FBRS: variants seen among roughly 807,000 people sequenced by gnomAD.
FBRS encodes fibrosin.
FBRS carries 15 observed loss-of-function variants against 86.1 expected under a neutral mutation model. That is an observed-to-expected ratio of 0.17 (90% CI 0.12 to 0.27). The LOEUF (loss-of-function observed/expected upper bound fraction) is 0.27. Ranked by LOEUF, FBRS falls within the 10% of genes least tolerant of loss-of-function variation. FBRS has a pLI of 1.00. For synonymous variants in FBRS, 666 were observed against 575.8 expected (o/e 1.16, Z -2.24); for missense variants, 1,367 against 1,301.6 (o/e 1.05, Z -0.77).
chr16:30,667,985 C>T (rs1001615145), intron 15 of FBRS: 16 of 265,240 alleles, frequency 6.0e-5, no homozygotes, highest in Admixed American at 1.0e-4. Context: ...TTTGGGTGGA[C>T]AAGGAAGAGT....
chr16:30,668,665 T>TGGTGGG, intron 16 of FBRS, 22 bp downstream of exon 16: 1 of 1,456,698 alleles, frequency 6.9e-7, no homozygotes, highest in South Asian at 1.1e-5. Context: ...TGCGGTGGGG[T>TGGTGGG]GGGGGGGCTG....
intron 6 of FBRS, 23 bp from the exon 7 acceptor site, chr16:30,664,192 C>T: frequency 7.6e-7 from 1 of 1,322,888 alleles, no homozygotes; most frequent in Non-Finnish European, 9.8e-7. Flanking sequence ...ACCCCTCACT[C>T]ATCTCCCCAC....
rs756248822 is a variant in FBRS at position 30,669,435 on chromosome 16, C to T, written c.2733C>T (p.Ala911=). ...AGCTAACTGGACCCGGGGCCGTGGC[C>T]GCTGCCCGCCTCTACGGTCTGGAAC... ...GEELTGPGAV[A]AARLYGLEPA... is the part of the protein sequence containing the mutation. Residue 911 remains alanine (A), a synonymous_variant, in exon 18 of 18, where the codon GCC becomes GCT. Transcript: ENST00000356166. The surrounding 1 kb of genome is among the most constrained non-coding windows in gnomAD (Gnocchi z 5.9). The T allele has an allele frequency of 5.0e-6, 8 of 1,612,722 alleles. No homozygotes were observed. Among genetic ancestry groups the T allele is most frequent in the African/African-American group, 2.7e-5 (2 of 74,930 alleles).
chr16:30,665,093 T>C lies in FBRS; in HGVS notation c.1608+14T>C. On this transcript the variant is annotated intron_variant, in intron 9 of 17. Coordinates refer to ENST00000356166, the MANE Select transcript of FBRS (RefSeq NM_001105079.3). The surrounding 1 kb of genome is among the most constrained non-coding windows in gnomAD (Gnocchi z 4.1). Reference sequence around the variant, plus strand: ...TTCCGACATAATGTGAGTGTGTGTGTGCGTGTGCGTATGGGGTGTGTGGTG... The same window carrying C: ...TTCCGACATAATGTGAGTGTGTGTGCGCGTGTGCGTATGGGGTGTGTGGTG... 1.9e-6 allele frequency: 3 copies of C among 1,611,560 alleles called. No homozygotes were observed. Among genetic ancestry groups the C allele is most frequent in the East Asian group, 2.2e-5 (1 of 44,872 alleles).
intron 11 of FBRS, chr16:30,666,120 G>A (rs2052519635): frequency 1.5e-5 from 6 of 410,370 alleles, no homozygotes; most frequent in South Asian, 1.4e-4. Flanking sequence ...GTTGTGAAAC[G>A]CACAGGACCA....
In FBRS at chr16:30,670,215, C is replaced by T. The variant is rs2052580433; in HGVS notation, c.*570C>T. On this transcript the variant is annotated 3_prime_UTR_variant, in exon 18 of 18. Coordinates refer to ENST00000356166, the MANE Select transcript of FBRS (RefSeq NM_001105079.3). ...GTGCTGTGTTCCTAGCCTCTGGCCTCTCTGTGGGGAAAGGGGACTGCAGGG... is the reference window on the plus strand; with the variant it reads ...GTGCTGTGTTCCTAGCCTCTGGCCTTTCTGTGGGGAAAGGGGACTGCAGGG... 1 of 457,992 alleles carries T rather than the reference C, an allele frequency of 2.2e-6. No individual in the cohort carries two copies. The highest frequency in any genetic ancestry group is 4.4e-6 in the Non-Finnish European group (1 of 226,942). The allele number at this position is 457,992 out of a possible 1,614,324, so 28.4% of individuals were successfully genotyped here. A position where few individuals can be genotyped will look rare whatever the true frequency, so the allele number is the denominator to read the frequency against.
chr16:30,660,158 A>G (rs2052439225), intron 1 of FBRS, 105 bp from the exon 2 acceptor site: 2 of 1,407,860 alleles, frequency 1.4e-6, no homozygotes, highest in Non-Finnish European at 1.9e-6. Context: ...GTCTCTGGGG[A>G]CCCGGTTTCC....
At chr16:30,660,066 G>T (rs1012102973) in intron 1 of FBRS, 89 bp downstream of exon 1, 1 of 1,477,556 alleles carries the variant, frequency 6.8e-7, no homozygotes, top group Non-Finnish European at 9.0e-7. Flanking sequence ...GTTGAGGGGG[G>T]AATGCTGGCA....
Position 30,665,866 on chromosome 16 carries a change from C to T in FBRS, c.1773+160C>T, listed in dbSNP as rs2151270953. 2 of 632,908 alleles carry T rather than the reference C, an allele frequency of 3.2e-6. No individual in the cohort carries two copies. Among genetic ancestry groups the T allele is most frequent in the South Asian group, 2.1e-5 (1 of 48,584 alleles). The allele number at this position is 632,908 out of a possible 1,614,324, so 39.2% of individuals were successfully genotyped here. A position where few individuals can be genotyped will look rare whatever the true frequency, so the allele number is the denominator to read the frequency against. ...GGAATTTCTGTAAATAGCTGGCTTTCCCAGGCATGAGGAATGAGAGTTTCA... is the reference window on the plus strand; with the variant it reads ...GGAATTTCTGTAAATAGCTGGCTTTTCCAGGCATGAGGAATGAGAGTTTCA... On this transcript the variant is annotated intron_variant, in intron 11 of 17. Coordinates refer to ENST00000356166, the MANE Select transcript of FBRS (RefSeq NM_001105079.3). The surrounding 1 kb of genome is among the most constrained non-coding windows in gnomAD (Gnocchi z 4.1).
chr16:30,659,776 G>A lies in FBRS; in HGVS notation c.258G>A (p.Pro86=). The part of the protein sequence containing the change: ...PGGPRRRRPR[P]RPRPPRPRAR... ...GCCCGAGACGCCGGCGGCCCCGTCC[G>A]AGACCTCGACCCCCGCGACCCCGAG... The change falls in exon 1 of 18, where the codon CCG becomes CCA. Residue 86 remains proline, a synonymous_variant. Transcript: ENST00000356166. The A allele has an allele frequency of 2.0e-6, 3 of 1,478,098 alleles. No individual in the cohort carries two copies. Among genetic ancestry groups the A allele is most frequent in the Non-Finnish European group, 2.7e-6 (3 of 1,115,512 alleles). The allele number at this position is 1,478,098 out of a possible 1,614,324, so 91.6% of individuals were successfully genotyped here.
At chr16:30,660,676 G>A (rs1567543586) in intron 2 of FBRS, 1 of 625,588 alleles carries the variant, frequency 1.6e-6, no homozygotes, top group Non-Finnish European at 2.4e-6. Flanking sequence ...AATTCAGAGA[G>A]GCGTCAAAGG....
rs756556985 is a variant in FBRS, at chr16:30,665,091, T to C, written c.1608+12T>C. On this transcript the variant is annotated intron_variant, in intron 9 of 17. Coordinates refer to ENST00000356166, the MANE Select transcript of FBRS (RefSeq NM_001105079.3). The surrounding 1 kb of genome is among the most constrained non-coding windows in gnomAD (Gnocchi z 4.1). The stretch of plus-strand genomic sequence containing the variant: ...TTTTCCGACATAATGTGAGTGTGTG[T>C]GTGCGTGTGCGTATGGGGTGTGTGG... 3 of 1,611,942 alleles carry C rather than the reference T, an allele frequency of 1.9e-6. No individual in the cohort carries two copies. Among genetic ancestry groups the C allele is most frequent in the Non-Finnish European group, 2.5e-6 (3 of 1,179,558 alleles).
Position 30,670,091 on chromosome 16 carries a change from T to C in FBRS, c.*446T>C, listed in dbSNP as rs374867576. ...AAGGAAGGGGGGTTCCATGTACATA[T>C]TTATCACCCCTTTCACATAGCCCCA... On this transcript the variant is annotated 3_prime_UTR_variant, in exon 18 of 18. Coordinates refer to ENST00000356166, the MANE Select transcript of FBRS (RefSeq NM_001105079.3). 163 of 472,182 alleles carry C rather than the reference T, an allele frequency of 3.5e-4. No individual in the cohort carries two copies. The highest frequency in any genetic ancestry group is 1.9e-4 in the Admixed American group (8 of 42,888). 29.2% of individuals were successfully genotyped at this position (472,182 alleles called of 1,614,324 possible).
chr16:30,661,593 G>GC (rs1449117193), intron 4 of FBRS, among the ~76,000 whole-genome samples: 5 of 152,114 alleles, frequency 3.3e-5, no homozygotes, highest in Admixed American at 3.3e-4. Context: ...AAGCCCTTGA[G>GC]CTACTTCTGG....
In FBRS at chr16:30,659,595, G is replaced by GCCGAGA. The variant is rs2052428844; in HGVS notation, c.87_92dup (p.Asp30_Arg31dup). On this transcript the variant is annotated inframe_insertion, in exon 1 of 18. Coordinates refer to ENST00000356166, the MANE Select transcript of FBRS (RefSeq NM_001105079.3). ...GAGCGCCGACGGCGGCGCTGCTCGC[G>GCCGAGA]CCGAGACCGAGACCGGGAGCAGCGG... 2.8e-6 allele frequency: 1 copy of GCCGAGA among 362,858 alleles called. No individual in the cohort carries two copies. The allele number at this position is 362,858 out of a possible 1,614,324, so 22.5% of individuals were successfully genotyped here.
rs755395936 is a variant in FBRS, at chr16:30,665,754, G to A, written c.1773+48G>A. ...TGGGGGAGCTGGAAGGTGTGTTGCG[G>A]GGAGAACAGAACTGACTTGAGGAGA... On this transcript the variant is annotated intron_variant, in intron 11 of 17. Transcript: ENST00000356166. The surrounding 1 kb of genome is among the most constrained non-coding windows in gnomAD (Gnocchi z 4.1). The A allele has an allele frequency of 1.3e-6, 2 of 1,536,578 alleles. No individual in the cohort carries two copies. The highest frequency in any genetic ancestry group is 1.8e-6 in the Non-Finnish European group (2 of 1,132,822).
Position 30,670,047 on chromosome 16 carries a change from G to T in FBRS, c.*402G>T. 4.0e-6 allele frequency: 2 copies of T among 499,990 alleles called. No homozygotes were observed. Among genetic ancestry groups the T allele is most frequent in the Admixed American group, 4.6e-5 (2 of 43,594 alleles). The allele number at this position is 499,990 out of a possible 1,614,324, so 31.0% of individuals were successfully genotyped here. ...ACCCAAGTCCTCATGCCCTCCGAGG[G>T]CTGGGGGAGGAGGGGCTCAAGGAAG... is the stretch of plus-strand genomic sequence containing the variant. On this transcript the variant is annotated 3_prime_UTR_variant, in exon 18 of 18. Coordinates refer to ENST00000356166, the MANE Select transcript of FBRS (RefSeq NM_001105079.3).
chr16:30,662,262 C>A, intron 4 of FBRS, 158 bp from the exon 5 acceptor site: 1 of 1,127,466 alleles, frequency 8.9e-7, no homozygotes. Flanking sequence ...CCAAGCTCAG[C>A]CCCCTAGAGC....
rs775677895 is a variant in FBRS at position 30,665,109 on chromosome 16, G to A, written c.1608+30G>A. ...GTGTGTGTGTGCGTGTGCGTATGGG[G>A]TGTGTGGTGTGGGCGTGGATGCATC... On this transcript the variant is annotated intron_variant, in intron 9 of 17. Transcript: ENST00000356166. The surrounding 1 kb of genome is among the most constrained non-coding windows in gnomAD (Gnocchi z 4.1). The A allele has an allele frequency of 3.1e-6, 5 of 1,607,092 alleles. No homozygotes were observed. In the Admixed American group the frequency reaches 5.0e-5, roughly 16 times the overall value.
Sources: gnomAD v4.1 joint callset for allele counts (sites outside exome capture counted in the v4.1 genomes callset) on GRCh38, gnomAD v4.1.1 for gene constraint, Gnocchi (gnomAD v3.1) non-coding constraint, MANE v1.5 for transcripts, NCBI Gene and HGNC (gene_info 2026-07-23, HGNC 2026-07-21) for gene names.